Variants in TENM2 observed in about 807,000 individuals in gnomAD.
TENM2 encodes teneurin-2.
In TENM2, 52 loss-of-function variants were observed where a neutral mutation model predicts 245.2. That is an observed-to-expected ratio of 0.21 (90% CI 0.17 to 0.27). TENM2 has a LOEUF of 0.27. TENM2 is among the 10% of genes least tolerant of loss of function. TENM2 has a pLI of 1.00. For synonymous variants in TENM2, 1,363 were observed against 1,438.9 expected (o/e 0.95, Z 1.19); for missense variants, 3,046 against 3,666.8 (o/e 0.83, Z 4.37).
At chr5:167,410,472 A>T (rs1432039440) in intron 2 of TENM2, among the ~76,000 whole-genome samples, 1 of 152,054 alleles carries the variant, frequency 6.6e-6, no homozygotes, top group Non-Finnish European at 1.5e-5. Context: ...CATTCTCTGC[A>T]ACTCATTTAT....
chr5:167,160,281 A>C, the TENM2 span, among the ~76,000 whole-genome samples: 1,443 of 152,338 alleles, frequency 9.5e-3, 26 homozygotes, highest in African/African-American at 0.032. Context: ...CTTAAAGTCC[A>C]GACTCCTTTG....
chr5:167,205,632 A>G, the TENM2 span, among the ~76,000 whole-genome samples: 1 of 152,168 alleles, frequency 6.6e-6, no homozygotes, highest in Non-Finnish European at 1.5e-5. Context: ...ACTGCTGCTT[A>G]ACAAAATTAC....
At chr5:168,035,007 T>A (rs1787535026) in intron 5 of TENM2, among the ~76,000 whole-genome samples, 1 of 152,218 alleles carries the variant, frequency 6.6e-6, no homozygotes, top group Non-Finnish European at 1.5e-5. Context: ...ACTTTAACTG[T>A]TGAAAATTTA....
chr5:167,321,787 T>TATTA (rs1561861114), intron 1 of TENM2, among the ~76,000 whole-genome samples: 3 of 35,040 alleles, frequency 8.6e-5, no homozygotes, highest in Admixed American at 2.2e-4. Flanking sequence ...CTTGGCTTAT[T>TATTA]TTTTTTTTTT....
the TENM2 span, among the ~76,000 whole-genome samples, chr5:167,232,270 C>G: frequency 6.6e-5 from 10 of 152,224 alleles, no homozygotes; most frequent in East Asian, 1.7e-3. Flanking sequence ...CCAGAATGAT[C>G]GATTCACCAA....
intron 12 of TENM2, among the ~76,000 whole-genome samples, chr5:168,127,315 C>G (rs1192838553): frequency 6.6e-6 from 1 of 152,182 alleles, no homozygotes; most frequent in Non-Finnish European, 1.5e-5. Flanking sequence ...AATCCTCTCT[C>G]AGCTGGCTGG....
chr5:167,390,904 A>G (rs917251221), intron 2 of TENM2, among the ~76,000 whole-genome samples: 2 of 152,144 alleles, frequency 1.3e-5, no homozygotes. Flanking sequence ...CCTCCACAAT[A>G]TAGTCCAATT....
Position 167,929,622 on chromosome 5 carries a change from T to C in TENM2, c.713-22966T>C, listed in dbSNP as rs201890052. Reference sequence around the variant, plus strand: ...ACAATAGATGCTTCATAAGTGGCTGTTGAATTTATGGAATATTATTTCTGG... The same window carrying C: ...ACAATAGATGCTTCATAAGTGGCTGCTGAATTTATGGAATATTATTTCTGG... On this transcript the variant is annotated intron_variant, in intron 3 of 28. Transcript: ENST00000518659. 5.9e-5 allele frequency among the ~76,000 whole-genome samples: 9 copies of C among 152,294 alleles called. No individual in the cohort carries two copies. In the South Asian group the frequency reaches 1.9e-3, roughly 32 times the overall value.
chr5:167,975,456 T>C (rs575406468), intron 4 of TENM2, among the ~76,000 whole-genome samples: 243 of 152,234 alleles, frequency 1.6e-3, no homozygotes, highest in African/African-American at 5.4e-3. Context: ...AGTGGCATTT[T>C]TTTTTTTTTG....
intron 5 of TENM2, among the ~76,000 whole-genome samples, chr5:167,994,930 G>A (rs1361994017): frequency 6.6e-6 from 1 of 152,208 alleles, no homozygotes; most frequent in African/African-American, 2.4e-5. Flanking sequence ...GCTTCTGCAG[G>A]TGGCTGTTCA....
At chr5:167,639,347 A>C (rs1779412503) in intron 2 of TENM2, among the ~76,000 whole-genome samples, 1 of 152,150 alleles carries the variant, frequency 6.6e-6, no homozygotes, top group Non-Finnish European at 1.5e-5. Context: ...TTTCTTATAC[A>C]CTTATTCAAT....
intron 3 of TENM2, among the ~76,000 whole-genome samples, chr5:167,931,258 C>G (rs1778258291): frequency 6.6e-6 from 1 of 152,170 alleles, no homozygotes; most frequent in Non-Finnish European, 1.5e-5. Context: ...CAGATATATA[C>G]AGTATCACCC....
chr5:167,215,370 A>G, the TENM2 span, among the ~76,000 whole-genome samples: 1 of 152,222 alleles, frequency 6.6e-6, no homozygotes. Flanking sequence ...ATTGAAGACA[A>G]CTGTTTTATA....
At chr5:167,608,761 G>A (rs540110579) in intron 2 of TENM2, among the ~76,000 whole-genome samples, 67 of 152,256 alleles carry the variant, frequency 4.4e-4, no homozygotes, top group Non-Finnish European at 8.2e-4. Flanking sequence ...TGATTTTTTT[G>A]GAGGGTTGTC....
intron 13 of TENM2, among the ~76,000 whole-genome samples, chr5:168,176,038 C>T (rs1261999842): frequency 6.6e-6 from 1 of 152,222 alleles, no homozygotes; most frequent in African/African-American, 2.4e-5. Flanking sequence ...TGGGATGCCC[C>T]CTTACCTGGC....
At chr5:167,192,718 G>T in the TENM2 span, among the ~76,000 whole-genome samples, 1 of 152,012 alleles carries the variant, frequency 6.6e-6, no homozygotes, top group East Asian at 1.9e-4. Flanking sequence ...TGTTGATTTT[G>T]CTCATATTCG....
rs904913075 is a variant in TENM2, at chr5:167,506,958, C to T, written c.502+131485C>T. 1.1e-4 allele frequency among the ~76,000 whole-genome samples: 16 copies of T among 152,256 alleles called. No individual in the cohort carries two copies. In the East Asian group the frequency reaches 1.7e-3, roughly 17 times the overall value. Reference sequence around the variant, plus strand: ...TTTGTGAAAGTTCCATCTTCATTCACATAATTACCCAACAGACTTAAACAA... The same window carrying T: ...TTTGTGAAAGTTCCATCTTCATTCATATAATTACCCAACAGACTTAAACAA... On this transcript the variant is annotated intron_variant, in intron 2 of 28. Coordinates refer to ENST00000518659, the Ensembl canonical transcript of TENM2.
At chr5:167,348,777 A>G (rs1187278993) in intron 1 of TENM2, among the ~76,000 whole-genome samples, 1 of 152,200 alleles carries the variant, frequency 6.6e-6, no homozygotes, top group South Asian at 2.1e-4. Context: ...AAAATTGGCA[A>G]TGGAGTCAAA....
chr5:167,827,196 A>G (rs575783124), intron 2 of TENM2, among the ~76,000 whole-genome samples: 16 of 152,326 alleles, frequency 1.1e-4, no homozygotes, highest in African/African-American at 3.4e-4. Context: ...CATTGGCTGA[A>G]CTTTTTTCCA....
Sources: gnomAD v4.1 joint callset for allele counts (sites outside exome capture counted in the v4.1 genomes callset) on GRCh38, gnomAD v4.1.1 for gene constraint, MANE v1.5 for transcripts, NCBI Gene and HGNC (gene_info 2026-07-23, HGNC 2026-07-21) for gene names.